Variants in NAALADL2 observed in about 807,000 individuals in gnomAD.
NAALADL2 encodes N-acetylated alpha-linked acidic dipeptidase like 2, also known as inactive N-acetylated-alpha-linked acidic dipeptidase-like protein 2.
NAALADL2 carries 76 observed loss-of-function variants against 87.2 expected under a neutral mutation model. The ratio of observed to expected loss-of-function variants is 0.87; its 90% CI spans 0.72 to 1.05. The LOEUF (loss-of-function observed/expected upper bound fraction) is 1.05, where lower values mean the gene tolerates loss of function less well. Ranked by LOEUF, NAALADL2 falls within the 50% of genes least tolerant of loss-of-function variation. The pLI is 0.00. For synonymous variants in NAALADL2, 354 were observed against 331.0 expected, an observed-to-expected ratio of 1.07 and a Z score of -0.75; for missense variants, 1,089 against 945.8, an observed-to-expected ratio of 1.15 and a Z score of -1.99.
At chr3:174,960,442 G>A (rs1046903553) in intron 1 of NAALADL2, among the ~76,000 whole-genome samples, 2 of 152,006 alleles carry the variant, frequency 1.3e-5, no homozygotes, top group African/African-American at 4.8e-5. Flanking sequence ...TGGAGAAAAA[G>A]CTGCTCTTTA....
At chr3:174,550,380 A>G (rs1053794018) in intron 1 of NAALADL2, among the ~76,000 whole-genome samples, 2 of 152,002 alleles carry the variant, frequency 1.3e-5, no homozygotes, top group Non-Finnish European at 2.9e-5. Context: ...TTTTTTAAGT[A>G]AAGTCATTTT....
chr3:175,337,830 C>T (rs1457888129), intron 5 of NAALADL2, among the ~76,000 whole-genome samples: 1 of 152,186 alleles, frequency 6.6e-6, no homozygotes, highest in Admixed American at 6.5e-5. Flanking sequence ...GAAATGCTGA[C>T]TGTAGCAACT....
intron 11 of NAALADL2, among the ~76,000 whole-genome samples, chr3:175,711,400 A>T (rs913051576): frequency 6.6e-6 from 1 of 151,898 alleles, no homozygotes; most frequent in Non-Finnish European, 1.5e-5. Flanking sequence ...AAATTCTGCA[A>T]TGTGGTTTAC....
intron 2 of NAALADL2, among the ~76,000 whole-genome samples, chr3:174,651,267 C>A (rs1240694418): frequency 6.6e-6 from 1 of 152,094 alleles, no homozygotes; most frequent in Non-Finnish European, 1.5e-5. Context: ...CTGCTTAATG[C>A]CTATTTTAGC....
intron 3 of NAALADL2, among the ~76,000 whole-genome samples, chr3:174,805,630 C>G (rs1388922446): frequency 1.3e-5 from 2 of 152,098 alleles, no homozygotes; most frequent in African/African-American, 4.8e-5. Flanking sequence ...TTAAGAAAAT[C>G]TTTGCTCACT....
chr3:175,501,188 A>G (rs1316259080), intron 9 of NAALADL2, among the ~76,000 whole-genome samples: 2 of 152,254 alleles, frequency 1.3e-5, no homozygotes, highest in South Asian at 4.1e-4. Flanking sequence ...ATTACAAGTG[A>G]CAGGAAGCCA....
intron 9 of NAALADL2, among the ~76,000 whole-genome samples, chr3:175,549,119 T>A (rs1713883669): frequency 6.8e-6 from 1 of 146,472 alleles, no homozygotes; most frequent in South Asian, 2.2e-4. Flanking sequence ...TGATACTATA[T>A]ACATACAGTT....
intron 9 of NAALADL2, among the ~76,000 whole-genome samples, chr3:175,560,900 G>A (rs1445083022): frequency 3.9e-5 from 6 of 152,134 alleles, no homozygotes; most frequent in Non-Finnish European, 7.4e-5. Flanking sequence ...GATTACAGGC[G>A]TGAACCATTG....
At chr3:175,654,297 G>A (rs1410225672) in intron 11 of NAALADL2, among the ~76,000 whole-genome samples, 1 of 152,076 alleles carries the variant, frequency 6.6e-6, no homozygotes, top group Non-Finnish European at 1.5e-5. Flanking sequence ...CAAGCAGGTA[G>A]CTTTTCTTCT....
chr3:174,795,483 T>A (rs572985362), intron 3 of NAALADL2, among the ~76,000 whole-genome samples: 14 of 152,326 alleles, frequency 9.2e-5, no homozygotes, highest in African/African-American at 3.1e-4. Flanking sequence ...TTATTATAAA[T>A]AATGTTCATA....
chr3:174,958,578 C>T (rs766372391), intron 1 of NAALADL2, among the ~76,000 whole-genome samples: 45 of 152,050 alleles, frequency 3.0e-4, no homozygotes, highest in Non-Finnish European at 5.0e-4. Flanking sequence ...CAGTTCAAAT[C>T]TCTGTTTTAG....
intron 1 of NAALADL2, among the ~76,000 whole-genome samples, chr3:174,925,969 G>T (rs570959889): frequency 6.6e-6 from 1 of 152,106 alleles, no homozygotes; most frequent in African/African-American, 2.4e-5. Flanking sequence ...AAAAAGATTA[G>T]ACAAATGGCT....
chr3:175,173,860 G>A (rs1318895863), intron 2 of NAALADL2, among the ~76,000 whole-genome samples: 4 of 152,158 alleles, frequency 2.6e-5, no homozygotes, highest in Non-Finnish European at 5.9e-5. Context: ...CGTCTATAGA[G>A]TTTAAAAGTT....
chr3:175,223,421 G>A (rs1322542682), intron 2 of NAALADL2, among the ~76,000 whole-genome samples: 1 of 150,932 alleles, frequency 6.6e-6, no homozygotes, highest in Non-Finnish European at 1.5e-5. Context: ...TATTAGCATA[G>A]TATCCTCCAG....
At chr3:175,111,857 C>T (rs905485384) in intron 2 of NAALADL2, among the ~76,000 whole-genome samples, 10 of 151,512 alleles carry the variant, frequency 6.6e-5, no homozygotes, top group Non-Finnish European at 1.5e-4. Context: ...GACTTGAAAT[C>T]GGGGGAATTT....
At chr3:174,960,257 G>C (rs1741782168) in intron 1 of NAALADL2, among the ~76,000 whole-genome samples, 1 of 152,008 alleles carries the variant, frequency 6.6e-6, no homozygotes, top group South Asian at 2.1e-4. Flanking sequence ...GAAGATTGTT[G>C]AAGTTCTTTT....
chr3:175,549,256 C>G (rs1363586379), intron 9 of NAALADL2, among the ~76,000 whole-genome samples: 2 of 151,708 alleles, frequency 1.3e-5, no homozygotes, highest in African/African-American at 4.8e-5. Context: ...ATTTGGAAAG[C>G]CAAAATGGAA....
chr3:175,005,502 T>C (rs1242642147), intron 1 of NAALADL2, among the ~76,000 whole-genome samples: 2 of 152,144 alleles, frequency 1.3e-5, no homozygotes, highest in Admixed American at 6.6e-5. Context: ...GTGTTTTAAG[T>C]CCCTGAAACA....
intron 2 of NAALADL2, among the ~76,000 whole-genome samples, chr3:174,573,759 C>A (rs1715197306): frequency 6.6e-6 from 1 of 152,144 alleles, no homozygotes; most frequent in African/African-American, 2.4e-5. Context: ...CTCACTCACA[C>A]TCATGAGAAT....
Sources: gnomAD v4.1 joint callset for allele counts (sites outside exome capture counted in the v4.1 genomes callset) on GRCh38, gnomAD v4.1.1 for gene constraint, MANE v1.5 for transcripts, NCBI Gene and HGNC (gene_info 2026-07-23, HGNC 2026-07-21) for gene names.